SYNJ2BP: variants seen among roughly 807,000 people sequenced by gnomAD.
SYNJ2BP encodes the protein synaptojanin-2-binding protein.
Under a neutral mutation model 16.9 loss-of-function variants are expected in SYNJ2BP, and 10 were observed. That is an observed-to-expected ratio of 0.59 (90% CI 0.36 to 1.00). SYNJ2BP has a LOEUF of 1.00. SYNJ2BP is among the 50% of genes least tolerant of loss of function. The pLI, the probability that SYNJ2BP is intolerant of heterozygous loss-of-function variation, is 0.01. For synonymous variants in SYNJ2BP, 54 were observed against 68.4 expected (o/e 0.79, Z 1.04); for missense variants, 162 against 186.7 (o/e 0.87, Z 0.77).
chr14:70,409,858 C>T (rs1374509798), intron 1 of SYNJ2BP, among the ~76,000 whole-genome samples: 1 of 152,034 alleles, frequency 6.6e-6, no homozygotes, highest in Non-Finnish European at 1.5e-5. Context: ...TGCCTGGAAT[C>T]GCAGCACTGT....
intron 2 of SYNJ2BP, among the ~76,000 whole-genome samples, chr14:70,377,574 C>T (rs750973656): frequency 6.6e-6 from 1 of 152,142 alleles, no homozygotes; most frequent in Non-Finnish European, 1.5e-5. Flanking sequence ...CTGATAAATG[C>T]TTTCTACATT....
intron 1 of SYNJ2BP, among the ~76,000 whole-genome samples, chr14:70,396,594 G>GTA (rs1453818681): frequency 4.2e-4 from 56 of 133,476 alleles, no homozygotes; most frequent in African/African-American, 1.2e-3. Flanking sequence ...GTATGTATGT[G>GTA]TGTATATGTA....
intron 1 of SYNJ2BP, among the ~76,000 whole-genome samples, chr14:70,414,425 T>C (rs1009366336): frequency 1.3e-5 from 2 of 152,222 alleles, no homozygotes; most frequent in Non-Finnish European, 1.5e-5. Context: ...AATTATTCCC[T>C]TTAATTAGTC....
At chr14:70,396,695 C>CA (rs1310526117) in intron 1 of SYNJ2BP, among the ~76,000 whole-genome samples, 1 of 150,174 alleles carries the variant, frequency 6.7e-6, no homozygotes, top group Non-Finnish European at 1.5e-5. Flanking sequence ...GAAGTGGTAA[C>CA]AAATTGTGGT....
intron 3 of SYNJ2BP, among the ~76,000 whole-genome samples, chr14:70,374,211 CT>C (rs1200994804): frequency 5.3e-5 from 8 of 152,204 alleles, no homozygotes; most frequent in African/African-American, 7.2e-5. Flanking sequence ...CCTATATTTA[CT>C]TGTTTTTATC....
chr14:70,398,277 C>G (rs1207360259), intron 1 of SYNJ2BP, among the ~76,000 whole-genome samples: 2 of 152,204 alleles, frequency 1.3e-5, no homozygotes, highest in Non-Finnish European at 2.9e-5. Flanking sequence ...AGCAGCCCAG[C>G]CCTCAGCCTT....
chr14:70,416,870 A>G (rs562735332), intron 1 of SYNJ2BP, 30 bp downstream of exon 1: 175 of 1,613,934 alleles, frequency 1.1e-4, no homozygotes, highest in South Asian at 5.5e-4. Flanking sequence ...CTAATCCCCT[A>G]CTGTCAGATA....
At chr14:70,376,240 T>C (rs1457353718) in intron 2 of SYNJ2BP, among the ~76,000 whole-genome samples, 1 of 152,258 alleles carries the variant, frequency 6.6e-6, no homozygotes, top group Non-Finnish European at 1.5e-5. Context: ...TATAAATCTA[T>C]ACTAGCCCAT....
chr14:70,372,935 G>C lies in SYNJ2BP; in HGVS notation c.*56C>G, dbSNP rs765083835. 1 of 1,603,326 alleles carries C rather than the reference G, an allele frequency of 6.2e-7. No individual in the cohort carries two copies. Among genetic ancestry groups the C allele is most frequent in the Non-Finnish European group, 8.5e-7 (1 of 1,175,958 alleles). ...GGGAAAGACATGGCAGAATAGCAGG[G>C]GTGGAGGGTGAGTGAAATGTATCTT... On this transcript the variant is annotated 3_prime_UTR_variant, in exon 4 of 4. Transcript: ENST00000256366.
intron 1 of SYNJ2BP, among the ~76,000 whole-genome samples, chr14:70,396,998 G>A (rs150891111): frequency 1.9e-3 from 288 of 152,174 alleles, no homozygotes; most frequent in Non-Finnish European, 3.2e-3. Context: ...AATGAAGCCC[G>A]GTTTATCTTT....
chr14:70,401,196 A>C (rs1254177635), intron 1 of SYNJ2BP, among the ~76,000 whole-genome samples: 1 of 152,236 alleles, frequency 6.6e-6, no homozygotes, highest in East Asian at 1.9e-4. Context: ...CTGGTTTTAG[A>C]ACCGTACAAA....
intron 2 of SYNJ2BP, among the ~76,000 whole-genome samples, chr14:70,380,890 C>T (rs1461646851): frequency 2.0e-5 from 3 of 152,094 alleles, no homozygotes; most frequent in Non-Finnish European, 4.4e-5. Context: ...TACTGTGTAA[C>T]TCTCTTAAAG....
chr14:70,380,665 A>AG (rs1887729532), intron 2 of SYNJ2BP, among the ~76,000 whole-genome samples: 1 of 151,658 alleles, frequency 6.6e-6, no homozygotes, highest in South Asian at 2.1e-4. Flanking sequence ...CTGTCTCAAA[A>AG]AAAAAAAAAA....
intron 1 of SYNJ2BP, among the ~76,000 whole-genome samples, chr14:70,400,683 T>A (rs989318531): frequency 1.3e-5 from 2 of 152,218 alleles, no homozygotes; most frequent in African/African-American, 4.8e-5. Flanking sequence ...TATATTCCCA[T>A]GCCTTCTTAT....
chr14:70,367,587 A>AAG lies in SYNJ2BP; in HGVS notation c.*5403_*5404insCT, dbSNP rs1887420848. On this transcript the variant is annotated 3_prime_UTR_variant, in exon 4 of 4. Transcript: ENST00000256366. Reference sequence around the variant, plus strand: ...AAAAAAAAAAAAAAAAAAAAAAAAAAGAAAAGAAAAGAATCTGGTTCTGAT... The same window carrying AAG: ...AAAAAAAAAAAAAAAAAAAAAAAAAAAGGAAAAGAAAAGAATCTGGTTCTGAT... The AAG allele has an allele frequency of 6.7e-6, 1 of 148,300 alleles. No homozygotes were observed. Among genetic ancestry groups the AAG allele is most frequent in the East Asian group, 1.9e-4 (1 of 5,162 alleles). The allele number at this position is 148,300 out of a possible 1,614,324, so 9.2% of individuals were successfully genotyped here.
intron 1 of SYNJ2BP, among the ~76,000 whole-genome samples, chr14:70,394,882 A>G (rs1190619887): frequency 6.6e-6 from 1 of 152,244 alleles, no homozygotes; most frequent in African/African-American, 2.4e-5. Context: ...TGAGGCATGG[A>G]CAGGTTAAGC....
At chr14:70,374,858 A>C (rs1297082497) in intron 3 of SYNJ2BP, among the ~76,000 whole-genome samples, 1 of 152,152 alleles carries the variant, frequency 6.6e-6, no homozygotes, top group African/African-American at 2.4e-5. Context: ...CCAAAAAGTA[A>C]AATTGGCTAC....
chr14:70,400,390 C>T (rs1275040625), intron 1 of SYNJ2BP, among the ~76,000 whole-genome samples: 1 of 152,170 alleles, frequency 6.6e-6, no homozygotes, highest in Non-Finnish European at 1.5e-5. Flanking sequence ...GTATTATTCA[C>T]CAAAATATAA....
intron 1 of SYNJ2BP, among the ~76,000 whole-genome samples, chr14:70,396,089 C>G (rs1888086327): frequency 6.6e-6 from 1 of 152,050 alleles, no homozygotes; most frequent in African/African-American, 2.4e-5. Context: ...CACTGGTGTA[C>G]AAATATCTGT....
Sources: allele counts gnomAD v4.1 joint callset (sites outside exome capture counted in the v4.1 genomes callset), GRCh38; gene constraint gnomAD v4.1.1; transcripts MANE v1.5; gene names NCBI Gene and HGNC (gene_info 2026-07-23, HGNC 2026-07-21).